The following MPP2 variants were observed in gnomAD, a reference collection of about 807,000 sequenced individuals.
MPP2 encodes MAGUK p55 scaffold protein 2, also known as MAGUK p55 subfamily member 2.
Under a neutral mutation model 58.5 loss-of-function variants are expected in MPP2, and 42 were observed. That is an observed-to-expected ratio of 0.72 (90% CI 0.56 to 0.93). MPP2 has a LOEUF of 0.93. Ranked by LOEUF, MPP2 falls within the 40% of genes least tolerant of loss-of-function variation. The pLI, the probability that MPP2 is intolerant of heterozygous loss-of-function variation, is 0.00. For missense variants in MPP2, 632 were observed against 760.4 expected, an observed-to-expected ratio of 0.83 and a Z score of 1.99; for synonymous variants, 300 against 307.8, an observed-to-expected ratio of 0.97 and a Z score of 0.26.
chr17:43,879,230 C>T lies in MPP2; in HGVS notation c.1482+45G>A, dbSNP rs2046986105. The T allele has an allele frequency of 3.2e-6, 5 of 1,584,850 alleles. No individual in the cohort carries two copies. Among genetic ancestry groups the T allele is most frequent in the Non-Finnish European group, 4.3e-6 (5 of 1,160,526 alleles). On this transcript the variant is annotated intron_variant, in intron 12 of 12. Coordinates refer to ENST00000269095, the MANE Select transcript of MPP2 (RefSeq NM_005374.5). The surrounding 1 kb of genome is among the most constrained non-coding windows in gnomAD (Gnocchi z 4.1). ...TCAGCTCAGGCCTGTCCCCCACCAC[C>T]CTAGGCAGCTATCAGACCCCTCCCC...
intron 12 of MPP2, among the ~76,000 whole-genome samples, chr17:43,878,618 G>C (rs975691245): frequency 6.6e-6 from 1 of 152,220 alleles, no homozygotes; most frequent in African/African-American, 2.4e-5. Context: ...CCTTAAGGGG[G>C]TCATTGGCAG....
chr17:43,881,011 C>T (rs2047088350), intron 9 of MPP2, 79 bp downstream of exon 9: 1 of 1,559,324 alleles, frequency 6.4e-7, no homozygotes, highest in Non-Finnish European at 8.8e-7. Context: ...AGGCACACGT[C>T]GTCACAGGTG....
Position 43,882,381 on chromosome 17 carries a change from C to G in MPP2, c.584G>C (p.Ser195Thr). 2 of 1,612,158 alleles carry G rather than the reference C, an allele frequency of 1.2e-6. No individual in the cohort carries two copies. The highest frequency in any genetic ancestry group is 1.7e-6 in the Non-Finnish European group (2 of 1,179,998). ...IKEVNGQPVG[S>T]DPRALQELLR... ...GAGCTCCTGCAGTGCGCGGGGGTCA[C>G]TGCCCACTGGCTGCCCGTTCACCTC... Residue 195 changes from serine to threonine, a missense_variant, in exon 6 of 13, where the codon AGT becomes ACT. Coordinates refer to ENST00000269095, the MANE Select transcript of MPP2 (RefSeq NM_005374.5).
At chr17:43,897,263 C>T (rs1289911069) in intron 3 of MPP2, among the ~76,000 whole-genome samples, 1 of 152,172 alleles carries the variant, frequency 6.6e-6, no homozygotes, top group African/African-American at 2.4e-5. Flanking sequence ...AGGCAGATCA[C>T]CTGAGGTCAG....
upstream of MPP2, chr17:43,909,397 G>A (rs938867215): frequency 8.8e-6 from 4 of 453,676 alleles, no homozygotes; most frequent in African/African-American, 8.1e-5. Flanking sequence ...TTCAGGAAGA[G>A]TTCCCCTTTC....
At chr17:43,894,604 G>A (rs1419455005) in intron 3 of MPP2, among the ~76,000 whole-genome samples, 2 of 107,526 alleles carry the variant, frequency 1.9e-5, no homozygotes, top group East Asian at 6.2e-4. Context: ...GCAACAGAGT[G>A]AGACTCCAGA....
intron 3 of MPP2, among the ~76,000 whole-genome samples, chr17:43,890,156 C>T (rs1325440545): frequency 6.6e-6 from 1 of 152,094 alleles, no homozygotes; most frequent in African/African-American, 2.4e-5. Flanking sequence ...TGATTTTATC[C>T]ATCCCTGGGG....
At chr17:43,888,269 T>G (rs1475513495) in intron 3 of MPP2, among the ~76,000 whole-genome samples, 1 of 152,010 alleles carries the variant, frequency 6.6e-6, no homozygotes, top group Non-Finnish European at 1.5e-5. Flanking sequence ...CTCTGCCGGG[T>G]GGGCAGCATT....
At chr17:43,891,441 G>A (rs2047601870) in intron 3 of MPP2, among the ~76,000 whole-genome samples, 1 of 151,888 alleles carries the variant, frequency 6.6e-6, no homozygotes, top group Non-Finnish European at 1.5e-5. Context: ...CTTGAACCTG[G>A]GAGGCAGAGG....
chr17:43,895,095 T>A (rs1411275780), intron 3 of MPP2, among the ~76,000 whole-genome samples: 1 of 151,844 alleles, frequency 6.6e-6, no homozygotes, highest in Non-Finnish European at 1.5e-5. Flanking sequence ...GCATTAACTG[T>A]GCCAAACTTT....
chr17:43,906,743 A>AG (rs1293076363), intron 1 of MPP2, among the ~76,000 whole-genome samples: 1 of 151,736 alleles, frequency 6.6e-6, no homozygotes, highest in Admixed American at 6.6e-5. Context: ...GACCTGGGGG[A>AG]GGGGGGCGTG....
Position 43,882,919 on chromosome 17 carries a change from G to C in MPP2, c.437C>G (p.Thr146Arg). Residue 146 changes from threonine to arginine, a missense_variant, in exon 5 of 13, where the codon ACA (threonine) becomes AGA (arginine). Coordinates refer to ENST00000269095, the MANE Select transcript of MPP2 (RefSeq NM_005374.5). ...DAVRMVGIRK[T>R]AGEHLGVTFR... ...AGTCCTCACCAGATGTTCTCCGGCT[G>C]TCTTGCGGATGCCCACCATGCGCAC... is the stretch of plus-strand genomic sequence containing the variant. The C allele has an allele frequency of 6.2e-7, 1 of 1,614,140 alleles. No homozygotes were observed. The highest frequency in any genetic ancestry group is 8.5e-7 in the Non-Finnish European group (1 of 1,180,032).
Position 43,881,158 on chromosome 17 carries a change from C to T in MPP2, c.920G>A (p.Gly307Glu), listed in dbSNP as rs1178068269. The part of the protein sequence containing the change: ...KRDLELTPNS[G>E]TLCGSLSGKK... The stretch of plus-strand genomic sequence containing the variant: ...TCCTGAAAGGCTGCCGCATAGGGTC[C>T]CTGGCCATAGGGAGATGGGTGAGTG... The change falls in exon 9 of 13, where the codon GGG (glycine) becomes GAG (glutamate). Residue 307 changes from glycine to glutamate, a missense_variant and splice_region_variant. Physicochemically the swap from Gly to Glu is moderately conservative, Grantham distance 98. Transcript: ENST00000269095. 13 of 1,613,956 alleles carry T rather than the reference C, an allele frequency of 8.1e-6. No individual in the cohort carries two copies. The highest frequency in any genetic ancestry group is 4.5e-5 in the East Asian group (2 of 44,852).
chr17:43,904,853 G>A (rs2048229232), intron 1 of MPP2, among the ~76,000 whole-genome samples: 1 of 152,166 alleles, frequency 6.6e-6, no homozygotes, highest in Non-Finnish European at 1.5e-5. Context: ...GTTTTTTGAA[G>A]AGGAAACAAG....
upstream of MPP2, among the ~76,000 whole-genome samples, chr17:43,909,097 G>A (rs1374877744): frequency 1.3e-5 from 2 of 151,844 alleles, no homozygotes; most frequent in African/African-American, 4.8e-5. Flanking sequence ...ACGGAGTTTC[G>A]CTCTTGTTGC....
At chr17:43,899,230 G>C (rs2047983361) in intron 2 of MPP2, among the ~76,000 whole-genome samples, 2 of 147,830 alleles carry the variant, frequency 1.4e-5, no homozygotes, top group African/African-American at 5.0e-5. Context: ...CTGGGCGACA[G>C]AGCAAGACTC....
rs958877861 is a variant in MPP2 at position 43,875,728 on chromosome 17, G to A, written c.*2079C>T. 3 of 152,340 alleles carry A rather than the reference G, an allele frequency of 2.0e-5. No homozygotes were observed. Among genetic ancestry groups the A allele is most frequent in the African/African-American group, 7.2e-5 (3 of 41,416 alleles). 9.4% of individuals were successfully genotyped at this position (152,340 alleles called of 1,614,324 possible). On this transcript the variant is annotated 3_prime_UTR_variant, in exon 13 of 13. Coordinates refer to ENST00000269095, the MANE Select transcript of MPP2 (RefSeq NM_005374.5). The stretch of plus-strand genomic sequence containing the variant: ...GGAAAGACCGAGAAGAGACAGGAGG[G>A]AAGGGCCCCAGGCCTGCCCCTTGAG...
At chr17:43,906,651 G>A (rs893794968) in intron 1 of MPP2, among the ~76,000 whole-genome samples, 1 of 152,138 alleles carries the variant, frequency 6.6e-6, no homozygotes, top group African/African-American at 2.4e-5. Flanking sequence ...GGATGGGGTC[G>A]AAAGGCCAGG....
At chr17:43,885,201 G>A (rs1457799983) in intron 3 of MPP2, among the ~76,000 whole-genome samples, 2 of 150,102 alleles carry the variant, frequency 1.3e-5, no homozygotes, top group African/African-American at 4.9e-5. Flanking sequence ...TCTCTCTCAT[G>A]ATATCACTAT....
Sources: allele counts gnomAD v4.1 joint callset (sites outside exome capture counted in the v4.1 genomes callset), GRCh38; gene constraint gnomAD v4.1.1; non-coding constraint Gnocchi (gnomAD v3.1); transcripts MANE v1.5; gene names NCBI Gene and HGNC (gene_info 2026-07-23, HGNC 2026-07-21).